Variants in PALLD observed in about 807,000 individuals in gnomAD.
PALLD encodes the protein palladin.
Under a neutral mutation model 123.5 loss-of-function variants are expected in PALLD, and 61 were observed. The observed-to-expected ratio is 0.49, with a 90% confidence interval of 0.40 to 0.61. The LOEUF is 0.61. Ranked by LOEUF, PALLD falls within the 20% of genes least tolerant of loss-of-function variation. PALLD has a pLI of 0.00. For missense variants in PALLD, 1,273 were observed against 1,377.0 expected (o/e 0.92, Z 1.20); for synonymous variants, 465 against 496.4 (o/e 0.94, Z 0.84).
Position 168,673,696 on chromosome 4 carries a change from T to C in PALLD, c.1087+5328T>C, listed in dbSNP as rs12640015. ...GATGAGGGAGTGAGTCAGATTCGAG[T>C]TGGGTTCAGAGGCAGGTCCAAAACC... On this transcript the variant is annotated intron_variant, in intron 3 of 21. Coordinates refer to ENST00000505667, the MANE Select transcript of PALLD (RefSeq NM_001166108.2). Among the ~76,000 whole-genome samples, 101 of 151,736 alleles carry C rather than the reference T, an allele frequency of 6.7e-4. No homozygotes were observed. The East Asian group carries it at 0.018, about 27-fold the overall frequency.
At chr4:168,888,358 T>C (rs565142972) in intron 10 of PALLD, among the ~76,000 whole-genome samples, 48 of 152,106 alleles carry the variant, frequency 3.2e-4, no homozygotes, top group Non-Finnish European at 5.3e-4. Context: ...GGAGATTCGA[T>C]GCACAGGGTT....
intron 2 of PALLD, among the ~76,000 whole-genome samples, chr4:168,527,434 A>AT (rs2149472457): frequency 6.6e-6 from 1 of 150,394 alleles, no homozygotes; most frequent in African/African-American, 2.4e-5. Flanking sequence ...AAAAAAAAAA[A>AT]AAAAAAAAAA....
At chr4:168,644,330 C>T (rs1334323498) in intron 2 of PALLD, among the ~76,000 whole-genome samples, 1 of 152,008 alleles carries the variant, frequency 6.6e-6, no homozygotes, top group Non-Finnish European at 1.5e-5. Flanking sequence ...TCAACTGATC[C>T]TCCTGCCTCC....
intron 2 of PALLD, among the ~76,000 whole-genome samples, chr4:168,596,345 A>G (rs974628701): frequency 6.6e-6 from 1 of 152,178 alleles, no homozygotes; most frequent in African/African-American, 2.4e-5. Flanking sequence ...TGGAATCCAG[A>G]AACATCTTAA....
intron 2 of PALLD, among the ~76,000 whole-genome samples, chr4:168,585,781 A>C (rs1770756151): frequency 6.6e-6 from 1 of 152,202 alleles, no homozygotes; most frequent in Non-Finnish European, 1.5e-5. Context: ...GCCTGCTCTT[A>C]GGAGCCAAGT....
At chr4:168,817,609 G>A (rs553736866) in intron 10 of PALLD, among the ~76,000 whole-genome samples, 1 of 152,152 alleles carries the variant, frequency 6.6e-6, no homozygotes, top group Non-Finnish European at 1.5e-5. Context: ...CTGATCCTAT[G>A]GATAAATGCT....
At position 168,717,276 on chromosome 4, in the gene PALLD, A is replaced by T. The variant is rs112392865; in HGVS notation, c.1964+5353A>T. The stretch of plus-strand genomic sequence containing the variant: ...TGAATGAAGCAAAAGCAGAACAAAA[A>T]AGAGGAAAAGAAAGATCTCCCACCT... On this transcript the variant is annotated intron_variant, in intron 10 of 21. Transcript: ENST00000505667. Among the ~76,000 whole-genome samples the T allele has an allele frequency of 5.7e-3, 863 of 152,296 alleles. 7 individuals carry two copies. Among genetic ancestry groups the T allele is most frequent in the Non-Finnish European group, 7.0e-3 (474 of 68,028 alleles).
At chr4:168,859,070 C>T (rs72975216) in intron 10 of PALLD, among the ~76,000 whole-genome samples, 17,867 of 152,204 alleles carry the variant, frequency 0.12, 3,481 homozygotes, top group African/African-American at 0.4. Context: ...AAAACCTCAG[C>T]GTTATAATTG....
chr4:168,907,711 T>C (rs1500795), intron 15 of PALLD, among the ~76,000 whole-genome samples: 18,975 of 152,146 alleles, frequency 0.12, 1,397 homozygotes, highest in African/African-American at 0.2. Context: ...TCTGGTTCTT[T>C]GCTCTACCCT....
intron 2 of PALLD, among the ~76,000 whole-genome samples, chr4:168,661,664 A>G (rs903407587): frequency 6.6e-6 from 1 of 152,252 alleles, no homozygotes; most frequent in African/African-American, 2.4e-5. Flanking sequence ...TGTGGCAATT[A>G]CATAGCTATT....
At chr4:168,809,113 A>T (rs765343912) in intron 10 of PALLD, among the ~76,000 whole-genome samples, 5 of 152,094 alleles carry the variant, frequency 3.3e-5, no homozygotes, top group Admixed American at 3.3e-4. Flanking sequence ...GCTGTTTCTC[A>T]TTCACTTTAC....
intron 15 of PALLD, among the ~76,000 whole-genome samples, chr4:168,911,365 A>G (rs1758912237): frequency 6.6e-6 from 1 of 152,172 alleles, no homozygotes; most frequent in Admixed American, 6.5e-5. Flanking sequence ...CTTACCATGG[A>G]TCTTCTGAGC....
chr4:168,878,098 C>T lies in PALLD; in HGVS notation c.1965-12824C>T, dbSNP rs1384285613. The T allele has an allele frequency of 2.8e-6, 4 of 1,443,056 alleles. No individual in the cohort carries two copies. Among genetic ancestry groups the T allele is most frequent in the Non-Finnish European group, 2.7e-6 (3 of 1,107,048 alleles). The allele number at this position is 1,443,056 out of a possible 1,614,324, so 89.4% of individuals were successfully genotyped here. A position where few individuals can be genotyped will look rare whatever the true frequency, so the allele number is the denominator to read the frequency against. ...TCGGCCGCGCCCCCGTGCCGCCCTT[C>T]GCGCAGCCCTTCGGCGCTGAGCCCG... On this transcript the variant is annotated intron_variant, in intron 10 of 21. Coordinates refer to ENST00000505667, the MANE Select transcript of PALLD (RefSeq NM_001166108.2).
intron 6 of PALLD, 68 bp from the exon 7 acceptor site, chr4:168,690,535 T>C: frequency 6.3e-7 from 1 of 1,583,228 alleles, no homozygotes. Context: ...TTTTATTCTG[T>C]GTTGTGAAAT....
At chr4:168,691,332 G>A in intron 8 of PALLD, 40 bp downstream of exon 8, 1 of 1,547,150 alleles carries the variant, frequency 6.5e-7, no homozygotes, top group Non-Finnish European at 8.9e-7. Flanking sequence ...GGTGGTGGGG[G>A]AGCAGATAAT....
At chr4:168,608,270 C>G (rs1226347204) in intron 2 of PALLD, among the ~76,000 whole-genome samples, 1 of 152,218 alleles carries the variant, frequency 6.6e-6, no homozygotes, top group African/African-American at 2.4e-5. Context: ...TGCCGTTTCT[C>G]AGAGGCATGA....
At chr4:168,510,485 C>T (rs1762432645) in intron 1 of PALLD, among the ~76,000 whole-genome samples, 2 of 152,084 alleles carry the variant, frequency 1.3e-5, no homozygotes, top group Admixed American at 1.3e-4. Context: ...CACTTTACTA[C>T]CTCCCATGAC....
intron 8 of PALLD, among the ~76,000 whole-genome samples, chr4:168,698,181 G>T (rs895403320): frequency 1.2e-4 from 18 of 152,284 alleles, no homozygotes; most frequent in African/African-American, 4.3e-4. Flanking sequence ...ACAGTAGAAG[G>T]ATGGCTACCA....
intron 8 of PALLD, among the ~76,000 whole-genome samples, chr4:168,707,746 C>T (rs1281591754): frequency 6.6e-6 from 1 of 152,160 alleles, no homozygotes; most frequent in Non-Finnish European, 1.5e-5. Flanking sequence ...GCCATTATTA[C>T]TAAGAAATGT....
Sources: gnomAD v4.1 joint callset for allele counts (sites outside exome capture counted in the v4.1 genomes callset) on GRCh38, gnomAD v4.1.1 for gene constraint, MANE v1.5 for transcripts, NCBI Gene and HGNC (gene_info 2026-07-23, HGNC 2026-07-21) for gene names.